The following PPP6R2 variants were observed in gnomAD, a reference collection of about 807,000 sequenced individuals.
PPP6R2 encodes the protein serine/threonine-protein phosphatase 6 regulatory subunit 2.
Under a neutral mutation model 100.2 loss-of-function variants are expected in PPP6R2, and 62 were observed. The observed-to-expected ratio is 0.62, with a 90% CI of 0.50 to 0.76. PPP6R2 has a LOEUF of 0.76. Among genes scored for constraint, PPP6R2 ranks in the 30% least tolerant of loss-of-function variants. The pLI is 0.00. For synonymous variants in PPP6R2, 525 were observed against 514.7 expected (o/e 1.02, Z -0.27); for missense variants, 1,142 against 1,276.3 (o/e 0.89, Z 1.60).
rs770886968 is a variant in PPP6R2 at position 50,440,984 on chromosome 22, C to G, written c.2537C>G (p.Pro846Arg). The change falls in exon 22 of 24, where the codon CCC (proline) becomes CGC (arginine). Residue 846 changes from proline to arginine, a missense_variant. Pro to Arg is a moderately radical substitution (Grantham distance 103, BLOSUM62 -2). This residue lies in a region of PPP6R2 where 550 missense variants were observed against 517.4 expected (regional missense o/e 1.06). Coordinates refer to ENST00000612753, the MANE Select transcript of PPP6R2 (RefSeq NM_001242898.2). ...AVSRGPGREA[P>R]PLPTVARTEE... The stretch of plus-strand genomic sequence containing the variant: ...AGCAGGGGTCCCGGCCGGGAGGCCC[C>G]CCCGCTGCCCACAGTGGCCAGGACA... 2 of 1,610,354 alleles carry G rather than the reference C, an allele frequency of 1.2e-6. No individual in the cohort carries two copies. Among genetic ancestry groups the G allele is most frequent in the East Asian group, 2.2e-5 (1 of 44,764 alleles).
intron 19 of PPP6R2, among the ~76,000 whole-genome samples, 171 bp downstream of exon 19, chr22:50,438,933 C>T (rs749502271): frequency 2.6e-5 from 4 of 152,204 alleles, no homozygotes; most frequent in South Asian, 2.1e-4. Context: ...GTCTGTGCTG[C>T]GCTGTGCCCA....
At chr22:50,432,582 C>T (rs575874768) in intron 12 of PPP6R2, among the ~76,000 whole-genome samples, 1 of 152,246 alleles carries the variant, frequency 6.6e-6, no homozygotes, top group Non-Finnish European at 1.5e-5. Context: ...GGCACCTGCT[C>T]TGGCCCCCGC....
chr22:50,365,717 A>G (rs1359104194), intron 1 of PPP6R2, among the ~76,000 whole-genome samples: 2 of 143,804 alleles, frequency 1.4e-5, no homozygotes, highest in African/African-American at 5.6e-5. Context: ...TGTCCTTATC[A>G]ATTCTTTATT....
the PPP6R2 span, among the ~76,000 whole-genome samples, chr22:50,337,181 G>GTGTGTGTGC: frequency 7.1e-6 from 1 of 140,246 alleles, no homozygotes. Context: ...TGTGTGTGGG[G>GTGTGTGTGC]TGTGTGCGTG....
At position 50,365,732 on chromosome 22, in the gene PPP6R2, A is replaced by AT. The variant is rs777151238; in HGVS notation, c.-147-6286dup. 5.2e-3 allele frequency among the ~76,000 whole-genome samples: 706 copies of AT among 136,312 alleles called. 5 individuals carry two copies. The highest frequency in any genetic ancestry group is 0.014 in the Middle Eastern group (4 of 278). 89.4% of individuals were successfully genotyped at this position (136,312 alleles called of 152,430 possible). On this transcript the variant is annotated intron_variant, in intron 1 of 23. Coordinates refer to ENST00000612753, the MANE Select transcript of PPP6R2 (RefSeq NM_001242898.2). ...TGTCCTTATCAATTCTTTATTTATT[A>AT]TTATTTTTTTAGAGACAGTGTTCTG... is the stretch of plus-strand genomic sequence containing the variant.
chr22:50,334,152 G>C, the PPP6R2 span, among the ~76,000 whole-genome samples: 8 of 152,254 alleles, frequency 5.3e-5, no homozygotes, highest in South Asian at 1.0e-3. Context: ...GAGACGTTTA[G>C]GCCTCCGGAT....
At chr22:50,355,747 T>G (rs2046391290) in intron 1 of PPP6R2, among the ~76,000 whole-genome samples, 1 of 149,210 alleles carries the variant, frequency 6.7e-6, no homozygotes, top group South Asian at 2.1e-4. Flanking sequence ...GGTCTCGATC[T>G]CCTTACCTCA....
At chr22:50,411,999 T>G (rs1482802713) in intron 4 of PPP6R2, among the ~76,000 whole-genome samples, 1 of 151,736 alleles carries the variant, frequency 6.6e-6, no homozygotes. Context: ...GAGCCGAGAT[T>G]GCGCCACTGC....
intron 2 of PPP6R2, among the ~76,000 whole-genome samples, chr22:50,388,178 TAAAA>T (rs1556010290): frequency 6.8e-6 from 1 of 147,858 alleles, no homozygotes; most frequent in Non-Finnish European, 1.5e-5. Flanking sequence ...TTTTTAGGAT[TAAAA>T]AAAAAAAACA....
chr22:50,364,183 C>G (rs1401094921), intron 1 of PPP6R2, among the ~76,000 whole-genome samples: 1 of 152,148 alleles, frequency 6.6e-6, no homozygotes, highest in Non-Finnish European at 1.5e-5. Flanking sequence ...AGGCTTGAGT[C>G]ACCGTGCCTG....
intron 18 of PPP6R2, 28 bp downstream of exon 18, chr22:50,438,326 C>T (rs2070273): frequency 0.11 from 178,244 of 1,599,484 alleles, 13,068 homozygotes; most frequent in East Asian, 0.38. Context: ...CCCCACAAAG[C>T]CTCTGCCGAG....
intron 1 of PPP6R2, among the ~76,000 whole-genome samples, chr22:50,371,107 C>T (rs990105233): frequency 7.2e-5 from 11 of 152,082 alleles, no homozygotes; most frequent in South Asian, 6.2e-4. Context: ...TACCTGACAA[C>T]GCCAATTAAA....
At chr22:50,359,290 C>T (rs2148299013) in intron 1 of PPP6R2, among the ~76,000 whole-genome samples, 1 of 151,168 alleles carries the variant, frequency 6.6e-6, no homozygotes, top group Middle Eastern at 3.4e-3. Flanking sequence ...GTGATCTCCG[C>T]TCACTGCAAG....
chr22:50,434,288 A>G (rs1479460352), intron 12 of PPP6R2, among the ~76,000 whole-genome samples: 8 of 34,638 alleles, frequency 2.3e-4, no homozygotes, highest in African/African-American at 5.8e-4. Context: ...GGCCGGGGGC[A>G]TGGATGCTGG....
chr22:50,419,707 C>T (rs949443486), intron 8 of PPP6R2, among the ~76,000 whole-genome samples: 8 of 152,248 alleles, frequency 5.3e-5, no homozygotes, highest in African/African-American at 1.7e-4. Context: ...GTTGGCGATG[C>T]ATTTGTCGAT....
chr22:50,418,432 C>T (rs2060839244), intron 6 of PPP6R2, among the ~76,000 whole-genome samples: 1 of 151,548 alleles, frequency 6.6e-6, no homozygotes, highest in African/African-American at 2.4e-5. Context: ...GTCACCCAGG[C>T]TGGAGTGCAG....
intron 1 of PPP6R2, among the ~76,000 whole-genome samples, chr22:50,370,176 T>C (rs1374396819): frequency 1.3e-5 from 2 of 152,196 alleles, no homozygotes; most frequent in African/African-American, 4.8e-5. Context: ...TCTGATTTTA[T>C]TTTCTGAATC....
At chr22:50,441,931 C>T (rs1361861708) in intron 22 of PPP6R2, among the ~76,000 whole-genome samples, 2 of 152,068 alleles carry the variant, frequency 1.3e-5, no homozygotes, top group Admixed American at 6.5e-5. Flanking sequence ...GGGAGGAGGG[C>T]GCACCCAGCA....
At chr22:50,422,145 T>C in intron 8 of PPP6R2, 109 bp from the exon 9 acceptor site, 1 of 1,428,926 alleles carries the variant, frequency 7.0e-7, no homozygotes, top group South Asian at 1.4e-5. Flanking sequence ...GGTTTCTTTT[T>C]GGGAAAGTTA....
Sources: allele counts gnomAD v4.1 joint callset (sites outside exome capture counted in the v4.1 genomes callset), GRCh38; gene constraint gnomAD v4.1.1; regional missense constraint gnomAD v4.1.1; transcripts MANE v1.5; gene names NCBI Gene and HGNC (gene_info 2026-07-23, HGNC 2026-07-21).